CDH12: variants seen among roughly 807,000 people sequenced by gnomAD.
The protein encoded by CDH12 is cadherin 12.
A neutral mutation model predicts 74.1 loss-of-function variants in CDH12; 41 were observed. That is an observed-to-expected ratio of 0.55 (90% CI 0.43 to 0.72). The LOEUF (loss-of-function observed/expected upper bound fraction) is 0.72, where lower values mean the gene tolerates loss of function less well. Among genes scored for constraint, CDH12 ranks in the 30% least tolerant of loss-of-function variants. CDH12 has a pLI of 0.00. For missense variants in CDH12, 945 were observed against 977.2 expected, an observed-to-expected ratio of 0.97 and a Z score of 0.44; for synonymous variants, 399 against 355.0, an observed-to-expected ratio of 1.12 and a Z score of -1.39.
chr5:22,711,997 C>T (rs1382777493), intron 1 of CDH12, among the ~76,000 whole-genome samples: 1 of 151,972 alleles, frequency 6.6e-6, no homozygotes. Flanking sequence ...ACTTCTTGAG[C>T]CCAAATTAAA....
intron 1 of CDH12, among the ~76,000 whole-genome samples, chr5:22,822,012 T>C (rs887306049): frequency 1.3e-5 from 2 of 152,180 alleles, no homozygotes; most frequent in African/African-American, 4.8e-5. Flanking sequence ...CAAAACAGTG[T>C]GGTACTGGTA....
intron 1 of CDH12, among the ~76,000 whole-genome samples, chr5:22,584,565 C>T (rs776706352): frequency 6.6e-6 from 1 of 152,060 alleles, no homozygotes; most frequent in African/African-American, 2.4e-5. Flanking sequence ...GTGTTACAAA[C>T]AATGCTGCAA....
At chr5:22,681,775 G>A (rs113733430) in intron 1 of CDH12, among the ~76,000 whole-genome samples, 90 of 151,998 alleles carry the variant, frequency 5.9e-4, no homozygotes, top group African/African-American at 1.9e-3. Context: ...AATTTCTTAC[G>A]CTAGGTTTCA....
intron 6 of CDH12, among the ~76,000 whole-genome samples, chr5:21,952,091 C>T (rs1755888243): frequency 6.6e-6 from 1 of 152,194 alleles, no homozygotes; most frequent in South Asian, 2.1e-4. Context: ...TTATTGAGTT[C>T]TCTCATCTGG....
intron 1 of CDH12, among the ~76,000 whole-genome samples, chr5:22,813,148 A>C (rs2126454032): frequency 6.6e-6 from 1 of 152,320 alleles, no homozygotes; most frequent in East Asian, 1.9e-4. Context: ...ATAAGATTAT[A>C]AATGATTAAA....
intron 3 of CDH12, among the ~76,000 whole-genome samples, chr5:22,230,004 T>C (rs1277425796): frequency 1.3e-5 from 2 of 151,988 alleles, no homozygotes; most frequent in Admixed American, 6.6e-5. Context: ...ATAGTGAGAG[T>C]AGGACTACGC....
chr5:21,944,588 A>AT (rs1454454920), intron 6 of CDH12, among the ~76,000 whole-genome samples: 2 of 152,202 alleles, frequency 1.3e-5, no homozygotes, highest in African/African-American at 4.8e-5. Context: ...GGTGTGGATT[A>AT]TTTAAGCCAC....
At chr5:22,018,905 C>T (rs1420163600) in intron 5 of CDH12, among the ~76,000 whole-genome samples, 1 of 152,052 alleles carries the variant, frequency 6.6e-6, no homozygotes, top group Admixed American at 6.6e-5. Context: ...AACCCCATCT[C>T]TGCTAAAAAT....
At chr5:22,353,722 T>G (rs1043960419) in intron 3 of CDH12, among the ~76,000 whole-genome samples, 2 of 152,124 alleles carry the variant, frequency 1.3e-5, no homozygotes, top group Admixed American at 6.6e-5. Context: ...TTGGTCATTA[T>G]TTCTGTATTT....
intron 1 of CDH12, among the ~76,000 whole-genome samples, chr5:22,830,830 A>G (rs1736570828): frequency 6.6e-6 from 1 of 151,792 alleles, no homozygotes; most frequent in South Asian, 2.1e-4. Flanking sequence ...TATTAAATGT[A>G]TGTGCACTAT....
At chr5:22,477,548 A>G (rs1746215123) in intron 2 of CDH12, among the ~76,000 whole-genome samples, 1 of 152,172 alleles carries the variant, frequency 6.6e-6, no homozygotes, top group Non-Finnish European at 1.5e-5. Context: ...CAATGAACGT[A>G]TGCATGCATG....
intron 3 of CDH12, among the ~76,000 whole-genome samples, chr5:22,314,596 TA>T (rs1379404978): frequency 6.6e-6 from 1 of 152,176 alleles, no homozygotes; most frequent in Non-Finnish European, 1.5e-5. Flanking sequence ...ATGGAAGTTC[TA>T]AAATGTGAAT....
intron 3 of CDH12, among the ~76,000 whole-genome samples, chr5:22,215,546 CT>C (rs1203280710): frequency 6.6e-6 from 1 of 152,080 alleles, no homozygotes; most frequent in African/African-American, 2.4e-5. Context: ...AAAATCCCTT[CT>C]GCAATTCATT....
At chr5:22,640,968 T>G (rs1004759106) in intron 1 of CDH12, among the ~76,000 whole-genome samples, 1 of 152,202 alleles carries the variant, frequency 6.6e-6, no homozygotes, top group African/African-American at 2.4e-5. Context: ...TTTTCAAGCT[T>G]TCTGATGTGC....
intron 4 of CDH12, among the ~76,000 whole-genome samples, chr5:22,183,990 T>G (rs1580370621): frequency 6.6e-6 from 1 of 151,552 alleles, no homozygotes; most frequent in Admixed American, 6.6e-5. Context: ...GAACGGCTAG[T>G]TTGCAAAGGA....
chr5:21,873,022 C>T (rs920828851), intron 6 of CDH12, among the ~76,000 whole-genome samples: 11 of 151,798 alleles, frequency 7.2e-5, no homozygotes, highest in Non-Finnish European at 1.3e-4. Context: ...ATAGTATATA[C>T]GTGTGTGTAT....
At chr5:22,135,988 A>G (rs1472981076) in intron 4 of CDH12, among the ~76,000 whole-genome samples, 1 of 152,016 alleles carries the variant, frequency 6.6e-6, no homozygotes, top group African/African-American at 2.4e-5. Context: ...CACAGTACCT[A>G]TTATGGTCCA....
intron 1 of CDH12, among the ~76,000 whole-genome samples, chr5:22,793,765 TC>T (rs1748043716): frequency 6.6e-6 from 1 of 151,742 alleles, no homozygotes; most frequent in Non-Finnish European, 1.5e-5. Flanking sequence ...TTTTTTTTTT[TC>T]AATCCCATTT....
chr5:21,767,657 CAAAT>C (rs1745101707), intron 11 of CDH12, among the ~76,000 whole-genome samples: 1 of 151,312 alleles, frequency 6.6e-6, no homozygotes, highest in Non-Finnish European at 1.5e-5. Context: ...AATAAGTGTT[CAAAT>C]AGAGAGAAAA....
Sources: gnomAD v4.1 joint callset for allele counts (sites outside exome capture counted in the v4.1 genomes callset) on GRCh38, gnomAD v4.1.1 for gene constraint, MANE v1.5 for transcripts, NCBI Gene and HGNC (gene_info 2026-07-23, HGNC 2026-07-21) for gene names.